DCAF15: variants seen among roughly 807,000 people sequenced by gnomAD.
DCAF15 encodes the protein DDB1- and CUL4-associated factor 15.
Under a neutral mutation model 68.0 loss-of-function variants are expected in DCAF15, and 24 were observed. The ratio of observed to expected loss-of-function variants is 0.35; its 90% confidence interval spans 0.26 to 0.50. The LOEUF is 0.50. DCAF15 is among the 20% of genes least tolerant of loss of function. The pLI is 0.98. For synonymous variants in DCAF15, 376 were observed against 341.6 expected, an observed-to-expected ratio of 1.10 and a Z score of -1.11; for missense variants, 627 against 830.6, an observed-to-expected ratio of 0.75 and a Z score of 3.01.
intron 10 of DCAF15, 53 bp downstream of exon 10, chr19:13,960,122 A>C (rs1286047735): frequency 6.2e-7 from 1 of 1,604,092 alleles, no homozygotes; most frequent in Non-Finnish European, 8.5e-7. Flanking sequence ...ACTGGCAGAC[A>C]CTTCACGGTG....
intron 6 of DCAF15, 147 bp downstream of exon 6, chr19:13,956,669 A>G (rs898831987): frequency 1.4e-5 from 13 of 955,322 alleles, no homozygotes; most frequent in Middle Eastern, 3.3e-4. Context: ...GCTGCGGTCC[A>G]AATGTGGCCA....
chr19:13,954,249 C>G (rs1373756275), intron 1 of DCAF15, 91 bp from the exon 2 acceptor site: 1 of 1,128,984 alleles, frequency 8.9e-7, no homozygotes, highest in Non-Finnish European at 1.3e-6. Flanking sequence ...CCGGTCTGGA[C>G]CCGGTGAGAG....
intron 5 of DCAF15, 38 bp downstream of exon 5, chr19:13,956,300 C>A (rs753857861): frequency 3.7e-6 from 6 of 1,609,848 alleles, no homozygotes; most frequent in Admixed American, 3.3e-5. Context: ...CTTCCCCCCT[C>A]CCCCCCTTGC....
At chr19:13,953,116 T>A in intron 1 of DCAF15, 1 of 1,550,168 alleles carries the variant, frequency 6.5e-7, no homozygotes, top group African/African-American at 1.4e-5. Context: ...GGAGTTCCAG[T>A]ACCTGGGTGG....
At chr19:13,954,802 T>G in intron 3 of DCAF15, 141 bp downstream of exon 3, 1 of 958,504 alleles carries the variant, frequency 1.0e-6, no homozygotes, top group Non-Finnish European at 1.6e-6. Context: ...ATGTGTTAGA[T>G]CCAACCATAT....
chr19:13,958,058 G>T (rs1973439841), intron 6 of DCAF15, among the ~76,000 whole-genome samples: 1 of 152,144 alleles, frequency 6.6e-6, no homozygotes, highest in Non-Finnish European at 1.5e-5. Flanking sequence ...CATATCTGGG[G>T]CTTTCTGTCC....
At position 13,956,249 on chromosome 19, in the gene DCAF15, C is replaced by T. The variant is rs1336265076; in HGVS notation, c.600C>T (p.Ser200=). 6.2e-7 allele frequency: 1 copy of T among 1,612,154 alleles called. No homozygotes were observed. The highest frequency in any genetic ancestry group is 8.5e-7 in the Non-Finnish European group (1 of 1,179,756). ...GCTGTGCTGCTTGCCAGGATGCCAG[C>T]CGAGCCCACCCAGGTGAGGGGGCCG... ...PGRCAACQDA[S]RAHPGDPNAQ... The change falls in exon 5 of 13, where the codon AGC becomes AGT. Residue 200 remains serine, a synonymous_variant. Transcript: ENST00000254337.
intron 7 of DCAF15, 32 bp from the exon 8 acceptor site, chr19:13,959,550 C>T (rs764540303): frequency 1.2e-6 from 2 of 1,612,066 alleles, no homozygotes; most frequent in South Asian, 1.1e-5. Context: ...CCTGGCCTCC[C>T]TCCACCCCAC....
At chr19:13,957,809 T>C (rs989000022) in intron 6 of DCAF15, among the ~76,000 whole-genome samples, 19 of 152,000 alleles carry the variant, frequency 1.3e-4, no homozygotes, top group African/African-American at 4.3e-4. Flanking sequence ...CTCAGGAGAC[T>C]GAGGGAGGCG....
Position 13,960,466 on chromosome 19 carries a change from G to A in DCAF15, c.1633G>A (p.Gly545Ser), listed in dbSNP as rs778568877. 38 of 1,611,432 alleles carry A rather than the reference G, an allele frequency of 2.4e-5. No homozygotes were observed. The East Asian group carries it at 5.4e-4, about 23-fold the overall frequency. ...GCCACTCACCCCCTGGCCCCGCAGC[G>A]GCAGTGTCTGGAGCTCCTACCGCAA... ...DLTEVKGQTS[G>S]SVWSSYRKSC... Residue 545 changes from glycine (G) to serine (S), a missense_variant and splice_region_variant, in exon 12 of 13, where the codon GGC becomes AGC. This residue lies in a region of DCAF15 where 118 missense variants were observed against 211.8 expected (regional missense o/e 0.56). Coordinates refer to ENST00000254337, the MANE Select transcript of DCAF15 (RefSeq NM_138353.4).
chr19:13,954,219 G>T, intron 1 of DCAF15, 121 bp from the exon 2 acceptor site: 1 of 802,658 alleles, frequency 1.2e-6, no homozygotes, highest in South Asian at 1.6e-5. Context: ...GCCTTCTTTT[G>T]ACCATTATGG....
At position 13,959,466 on chromosome 19, in the gene DCAF15, G is replaced by T; in HGVS notation, c.1206G>T (p.Thr402=). The T allele has an allele frequency of 6.2e-7, 1 of 1,609,334 alleles. No homozygotes were observed. Residue 402 remains threonine (T), a synonymous_variant, in exon 7 of 13, where the codon ACG becomes ACT. Transcript: ENST00000254337. The part of the protein sequence containing the change: ...LYYVLESGEG[T]EPEDELEDDK... ...ATGTGCTGGAGTCCGGAGAGGGGAC[G>T]GAGCCGGAGGATGGTGAGCGGGGGG...
intron 1 of DCAF15, among the ~76,000 whole-genome samples, chr19:13,953,590 G>A (rs972852386): frequency 6.6e-6 from 1 of 152,214 alleles, no homozygotes; most frequent in Non-Finnish European, 1.5e-5. Flanking sequence ...ATGTGGACAG[G>A]GCTGTCTCCC....
rs1599459448 is a variant in DCAF15, at chr19:13,954,350, A to G, written c.143A>G (p.Gln48Arg). The G allele has an allele frequency of 1.2e-5, 20 of 1,613,102 alleles. No individual in the cohort carries two copies. The highest frequency in any genetic ancestry group is 1.5e-5 in the Non-Finnish European group (18 of 1,179,922). ...KQLERVKISGQLSPRLFRKLP... is the reference protein window; with the variant it reads ...KQLERVKISGRLSPRLFRKLP... The stretch of plus-strand genomic sequence containing the variant: ...CCACCCCTTCCCCAGATCAGCGGAC[A>G]GCTCTCCCCTCGCCTCTTCCGGAAG... Residue 48 changes from glutamine to arginine, a missense_variant, in exon 2 of 13, where the codon CAG (glutamine) becomes CGG (arginine). Gln to Arg is a conservative substitution (Grantham distance 43). This residue lies in a region of DCAF15 where 273 missense variants were observed against 393.7 expected (regional missense o/e 0.69). Coordinates refer to ENST00000254337, the MANE Select transcript of DCAF15 (RefSeq NM_138353.4).
rs569118517 is a variant in DCAF15, at chr19:13,961,121, G to A, written c.*126G>A. On this transcript the variant is annotated 3_prime_UTR_variant, in exon 13 of 13. Coordinates refer to ENST00000254337, the MANE Select transcript of DCAF15 (RefSeq NM_138353.4). Reference sequence around the variant, plus strand: ...ATGACCGGCACTAGTGTTAGCCTGCGGAACGGGGCTGGGCAGGGCAGCCTC... The same window carrying A: ...ATGACCGGCACTAGTGTTAGCCTGCAGAACGGGGCTGGGCAGGGCAGCCTC... The A allele has an allele frequency of 2.6e-4, 308 of 1,177,908 alleles. 4 individuals are homozygous for A. In the South Asian group the frequency reaches 3.4e-3, roughly 13 times the overall value. 73.0% of individuals were successfully genotyped at this position (1,177,908 alleles called of 1,614,324 possible). A position where few individuals can be genotyped will look rare whatever the true frequency, so the allele number is the denominator to read the frequency against.
At chr19:13,955,712 C>T (rs1973329557) in intron 3 of DCAF15, among the ~76,000 whole-genome samples, 200 bp from the exon 4 acceptor site, 1 of 152,208 alleles carries the variant, frequency 6.6e-6, no homozygotes, top group Non-Finnish European at 1.5e-5. Flanking sequence ...CCATCGGCTG[C>T]ATCCCACCCT....
chr19:13,954,277 C>T (rs1315475060), intron 1 of DCAF15, 63 bp from the exon 2 acceptor site: 35 of 1,435,616 alleles, frequency 2.4e-5, no homozygotes, highest in East Asian at 6.8e-5. Flanking sequence ...GCCTCTCTGC[C>T]GTGGGTGAGG....
chr19:13,959,902 CCAGGGCGGG>C lies in DCAF15; in HGVS notation c.1440+13_1440+21del. On this transcript the variant is annotated splice_region_variant and intron_variant, in intron 9 of 12. Coordinates refer to ENST00000254337, the MANE Select transcript of DCAF15 (RefSeq NM_138353.4). ...TGACATCGTCATTCTGGAGGTGGGC[CCAGGGCGGG>C]CAGGGTGGGCCCAGGGCCTCCTGTA... 1 of 1,612,184 alleles carries C rather than the reference CCAGGGCGGG, an allele frequency of 6.2e-7. No individual in the cohort carries two copies.
chr19:13,955,001 G>C (rs1973291756), intron 3 of DCAF15, among the ~76,000 whole-genome samples: 2 of 152,272 alleles, frequency 1.3e-5, no homozygotes, highest in Non-Finnish European at 2.9e-5. Flanking sequence ...AGCTCCTCTG[G>C]AGGCTGAGGC....
Sources: allele counts gnomAD v4.1 joint callset (sites outside exome capture counted in the v4.1 genomes callset), GRCh38; gene constraint gnomAD v4.1.1; regional missense constraint gnomAD v4.1.1; transcripts MANE v1.5; gene names NCBI Gene and HGNC (gene_info 2026-07-23, HGNC 2026-07-21).